The following PNLIP variants were observed in gnomAD, a reference collection of about 807,000 sequenced individuals.
PNLIP encodes the protein pancreatic triacylglycerol lipase.
In PNLIP, 49 loss-of-function variants were observed where a neutral mutation model predicts 57.1. The observed-to-expected ratio is 0.86, with a 90% CI of 0.68 to 1.09. PNLIP has a LOEUF of 1.09. PNLIP is among the 50% of genes least tolerant of loss of function. The probability of loss-of-function intolerance (pLI) is 0.00; values close to 1 mark genes in which losing one functional copy is unlikely to be tolerated. For missense variants in PNLIP, 503 were observed against 570.2 expected (o/e 0.88, Z 1.20); for synonymous variants, 209 against 200.4 (o/e 1.04, Z -0.36).
chr10:116,567,147 CTCTT>C (rs1018254343), intron 12 of PNLIP, among the ~76,000 whole-genome samples: 54 of 132,570 alleles, frequency 4.1e-4, no homozygotes, highest in African/African-American at 9.8e-4. Flanking sequence ...TTCTTTTCTT[CTCTT>C]TCTTTCTTTT....
At position 116,545,954 on chromosome 10, in the gene PNLIP, C is replaced by T. The variant is rs2133196000; in HGVS notation, c.-5C>T. 1.5e-6 allele frequency: 1 copy of T among 685,232 alleles called. No individual in the cohort carries two copies. Among genetic ancestry groups the T allele is most frequent in the East Asian group, 2.7e-5 (1 of 37,114 alleles). The allele number at this position is 685,232 out of a possible 1,614,324, so 42.4% of individuals were successfully genotyped here. Reference sequence around the variant, plus strand: ...TTGCGTGTGGAACCTGACGGAACTGCCACGGTGAGTCGGGAACATGTTTTC... The same window carrying T: ...TTGCGTGTGGAACCTGACGGAACTGTCACGGTGAGTCGGGAACATGTTTTC... On this transcript the variant is annotated 5_prime_UTR_variant, in exon 1 of 13. Transcript: ENST00000369221.
chr10:116,555,763 C>A (rs969736679), intron 8 of PNLIP, among the ~76,000 whole-genome samples: 5 of 152,126 alleles, frequency 3.3e-5, no homozygotes, highest in African/African-American at 1.2e-4. Flanking sequence ...CAATCTTTTT[C>A]TTCTACAGTA....
chr10:116,557,645 C>T (rs1847267096), intron 9 of PNLIP, among the ~76,000 whole-genome samples: 1 of 152,086 alleles, frequency 6.6e-6, no homozygotes, highest in African/African-American at 2.4e-5. Context: ...TGTTGAATGC[C>T]AACCCTGGGA....
chr10:116,551,034 ATGT>A, intron 4 of PNLIP, 61 bp from the exon 5 acceptor site: 2 of 1,338,374 alleles, frequency 1.5e-6, no homozygotes. Flanking sequence ...GTCCTCCAGT[ATGT>A]TAACTAGTAA....
chr10:116,554,980 T>C (rs992493524), intron 6 of PNLIP, among the ~76,000 whole-genome samples, 198 bp from the exon 7 acceptor site: 8 of 152,236 alleles, frequency 5.3e-5, no homozygotes, highest in African/African-American at 1.9e-4. Flanking sequence ...CCAGTGACTA[T>C]GGAGCCATGA....
At chr10:116,547,778 G>A (rs1847146213) in intron 3 of PNLIP, among the ~76,000 whole-genome samples, 1 of 147,242 alleles carries the variant, frequency 6.8e-6, no homozygotes, top group African/African-American at 2.5e-5. Flanking sequence ...CCTGTTTTCT[G>A]TAATAAGGAT....
chr10:116,565,027 G>A (rs1242387004), intron 12 of PNLIP, among the ~76,000 whole-genome samples: 1 of 151,926 alleles, frequency 6.6e-6, no homozygotes, highest in Non-Finnish European at 1.5e-5. Context: ...TTGGGAGGCC[G>A]AGGCGGGTGG....
chr10:116,547,901 T>C (rs1021288088), intron 3 of PNLIP, among the ~76,000 whole-genome samples: 2 of 152,042 alleles, frequency 1.3e-5, no homozygotes, highest in Non-Finnish European at 2.9e-5. Context: ...TATAAAAGAT[T>C]CATTAACTTC....
At chr10:116,565,870 C>T (rs1308285817) in intron 12 of PNLIP, among the ~76,000 whole-genome samples, 2 of 152,162 alleles carry the variant, frequency 1.3e-5, no homozygotes, top group Non-Finnish European at 2.9e-5. Context: ...AGTGCAGTGG[C>T]ACGATCTTGG....
At chr10:116,557,982 C>T (rs1274427552) in intron 9 of PNLIP, among the ~76,000 whole-genome samples, 1 of 151,428 alleles carries the variant, frequency 6.6e-6, no homozygotes, top group Admixed American at 6.6e-5. Flanking sequence ...AAGCCGGGCG[C>T]GGTGGCTCAT....
At chr10:116,547,649 C>T (rs1847143500) in intron 3 of PNLIP, among the ~76,000 whole-genome samples, 1 of 150,586 alleles carries the variant, frequency 6.6e-6, no homozygotes, top group Non-Finnish European at 1.5e-5. Flanking sequence ...TGGCGTGAAC[C>T]CGGGAGGCAG....
intron 5 of PNLIP, among the ~76,000 whole-genome samples, chr10:116,553,366 A>G (rs1183648725): frequency 6.6e-6 from 1 of 152,188 alleles, no homozygotes; most frequent in African/African-American, 2.4e-5. Context: ...TGGCCCCCCA[A>G]AGTGCTGGGA....
In PNLIP at chr10:116,555,164, A is replaced by G; in HGVS notation, c.572-14A>G. Reference sequence around the variant, plus strand: ...GGACTTGTCATAATTCATGAAACATACTCTTTACTTTAGGGTTGGACCCAG... The same window carrying G: ...GGACTTGTCATAATTCATGAAACATGCTCTTTACTTTAGGGTTGGACCCAG... On this transcript the variant is annotated splice_polypyrimidine_tract_variant and intron_variant, in intron 6 of 12. Transcript: ENST00000369221. The G allele has an allele frequency of 6.2e-7, 1 of 1,613,870 alleles. No homozygotes were observed. Among genetic ancestry groups the G allele is most frequent in the Non-Finnish European group, 8.5e-7 (1 of 1,179,860 alleles).
chr10:116,553,643 A>G, intron 5 of PNLIP, 84 bp from the exon 6 acceptor site: 1 of 771,434 alleles, frequency 1.3e-6, no homozygotes, highest in Non-Finnish European at 2.3e-6. Context: ...TCGCTTGATG[A>G]TGCATTTCTT....
At chr10:116,553,032 G>C (rs1198355697) in intron 5 of PNLIP, among the ~76,000 whole-genome samples, 1 of 152,198 alleles carries the variant, frequency 6.6e-6, no homozygotes, top group East Asian at 1.9e-4. Flanking sequence ...CTTACTCCAT[G>C]ACTTGCCCAG....
At position 116,555,278 on chromosome 10, in the gene PNLIP, C is replaced by T. The variant is rs373154708; in HGVS notation, c.672C>T (p.Ala224=). The stretch of plus-strand genomic sequence containing the variant: ...TGGATGTAATTCACACGGATGGTGC[C>T]CCCATAGTCCCCAATTTGGGTGAGT... The part of the protein sequence containing the change: ...KFVDVIHTDG[A]PIVPNLGFGM... The change falls in exon 7 of 13, where the codon GCC becomes GCT. Residue 224 remains alanine, a synonymous_variant. Coordinates refer to ENST00000369221, the MANE Select transcript of PNLIP (RefSeq NM_000936.4). 9.3e-6 allele frequency: 15 copies of T among 1,614,026 alleles called. No individual in the cohort carries two copies. Among genetic ancestry groups the T allele is most frequent in the Middle Eastern group, 1.6e-4 (1 of 6,084 alleles).
chr10:116,551,303 A>G, intron 5 of PNLIP, 71 bp downstream of exon 5: 2 of 1,157,558 alleles, frequency 1.7e-6, no homozygotes, highest in East Asian at 2.7e-5. Flanking sequence ...AAAAAAAAAA[A>G]AAAGCCTGTA....
intron 5 of PNLIP, 56 bp downstream of exon 5, chr10:116,551,288 T>A (rs957877855): frequency 4.2e-4 from 354 of 848,608 alleles, no homozygotes; most frequent in Middle Eastern, 2.7e-4. Context: ...AGATTATCTT[T>A]CCAAAAAAAA....
At chr10:116,550,716 C>T (rs1227869709) in intron 4 of PNLIP, among the ~76,000 whole-genome samples, 1 of 152,180 alleles carries the variant, frequency 6.6e-6, no homozygotes, top group Non-Finnish European at 1.5e-5. Flanking sequence ...TACCAGTGGA[C>T]AAGGTAAACA....
Sources: allele counts gnomAD v4.1 joint callset (sites outside exome capture counted in the v4.1 genomes callset), GRCh38; gene constraint gnomAD v4.1.1; transcripts MANE v1.5; gene names NCBI Gene and HGNC (gene_info 2026-07-23, HGNC 2026-07-21).